The following GPX2 variants were observed in gnomAD, a reference collection of about 807,000 sequenced individuals.
The protein encoded by GPX2 is glutathione peroxidase 2.
In GPX2, 21 loss-of-function variants were observed where a neutral mutation model predicts 14.1. That is an observed-to-expected ratio of 1.48 (90% CI 1.05 to 2.14). GPX2 has a LOEUF of 2.14. Among genes scored for constraint, GPX2 ranks in the 30% most tolerant of loss-of-function variants. The pLI, the probability that GPX2 is intolerant of heterozygous loss-of-function variation, is 0.00. For synonymous variants in GPX2, 94 were observed against 95.2 expected (o/e 0.99, Z 0.07); for missense variants, 241 against 249.8 (o/e 0.96, Z 0.24).
In GPX2 at chr14:64,939,820, C is replaced by T. The variant is rs751947629; in HGVS notation, c.241G>A (p.Glu81Lys). 6.2e-7 allele frequency: 1 copy of T among 1,613,662 alleles called. No homozygotes were observed. The highest frequency in any genetic ancestry group is 1.3e-5 in the African/African-American group (1 of 74,892). ...FGHQENCQNEEILNSLKYVRP... is the reference protein window; with the variant it reads ...FGHQENCQNEKILNSLKYVRP... ...ACATACTTGAGACTGTTCAGGATCT[C>T]CTCATTCTGACAGTTCTCCTAGGGG... The change falls in exon 2 of 2, where the codon GAG becomes AAG. Residue 81 changes from glutamate to lysine, a missense_variant. Coordinates refer to ENST00000389614, the MANE Select transcript of GPX2 (RefSeq NM_002083.4). This position sits in a 1 kb window ranked among gnomAD's most constrained non-coding sequence, Gnocchi z 5.7.
chr14:64,942,458 T>G, intron 1 of GPX2, 47 bp downstream of exon 1: 1 of 1,484,244 alleles, frequency 6.7e-7, no homozygotes, highest in Non-Finnish European at 9.4e-7. Context: ...CCACCTGAGC[T>G]ACACCAACCC....
chr14:64,939,949 C>A lies in GPX2; in HGVS notation c.223-111G>T. On this transcript the variant is annotated intron_variant, in intron 1 of 1. Transcript: ENST00000389614. This position sits in a 1 kb window ranked among gnomAD's most constrained non-coding sequence, Gnocchi z 5.7. ...CTCCCTCCCCAGGGTCATTCTTTTTCACTGTGAAAGAGAGAGAGACAAGAC... is the reference window on the plus strand; with the variant it reads ...CTCCCTCCCCAGGGTCATTCTTTTTAACTGTGAAAGAGAGAGAGACAAGAC... 6.8e-7 allele frequency: 1 copy of A among 1,461,918 alleles called. No individual in the cohort carries two copies. Among genetic ancestry groups the A allele is most frequent in the Non-Finnish European group, 9.0e-7 (1 of 1,114,440 alleles). 90.6% of individuals were successfully genotyped at this position (1,461,918 alleles called of 1,614,324 possible).
In GPX2 at chr14:64,939,890, G is replaced by T. The variant is rs761414250; in HGVS notation, c.223-52C>A. 2.1e-5 allele frequency: 34 copies of T among 1,583,498 alleles called. No homozygotes were observed. Among genetic ancestry groups the T allele is most frequent in the Non-Finnish European group, 2.9e-5 (34 of 1,163,646 alleles). On this transcript the variant is annotated intron_variant, in intron 1 of 1. Transcript: ENST00000389614. The surrounding 1 kb of genome is among the most constrained non-coding windows in gnomAD (Gnocchi z 5.7). ...TGGACAGTGGGTGGGGGAAGAGAAAGATCCACAACATGAAACTCTTTCACC... is the reference window on the plus strand; with the variant it reads ...TGGACAGTGGGTGGGGGAAGAGAAATATCCACAACATGAAACTCTTTCACC...
In GPX2 at chr14:64,942,696, G is replaced by A. The variant is rs1401218134; in HGVS notation, c.31C>T (p.Leu11Phe). 3.1e-6 allele frequency: 5 copies of A among 1,614,146 alleles called. No homozygotes were observed. Among genetic ancestry groups the A allele is most frequent in the Non-Finnish European group, 4.2e-6 (5 of 1,180,006 alleles). Residue 11 changes from leucine (L) to phenylalanine (F), a missense_variant, in exon 1 of 2, where the codon CTC (leucine) becomes TTC (phenylalanine). Coordinates refer to ENST00000389614, the MANE Select transcript of GPX2 (RefSeq NM_002083.4). ...TCCCCATCCAGGCTGATGGCACTGA[G>A]GTCATAGAAGGACTTGGCAATGAAA... MAFIAKSFYD[L>F]SAISLDGEKV...
Position 64,939,599 on chromosome 14 carries a change from A to C in GPX2, c.462T>G (p.Phe154Leu). 1.9e-6 allele frequency: 3 copies of C among 1,614,134 alleles called. No homozygotes were observed. The highest frequency in any genetic ancestry group is 1.3e-5 in the African/African-American group (1 of 75,038). ...PVRRSDVAWN[F>L]EKFLIGPEGE... ...CCTCCGGCCCTATGAGGAACTTCTCAAAGTTCCAGGCCACATCTGAGCGGC... is the reference window on the plus strand; with the variant it reads ...CCTCCGGCCCTATGAGGAACTTCTCCAAGTTCCAGGCCACATCTGAGCGGC... The change falls in exon 2 of 2, where the codon TTT becomes TTG. Residue 154 changes from phenylalanine (F) to leucine (L), a missense_variant. Coordinates refer to ENST00000389614, the MANE Select transcript of GPX2 (RefSeq NM_002083.4). This position sits in a 1 kb window ranked among gnomAD's most constrained non-coding sequence, Gnocchi z 5.7.
chr14:64,942,461 A>T (rs368982066), intron 1 of GPX2, 44 bp downstream of exon 1: 8 of 1,512,456 alleles, frequency 5.3e-6, no homozygotes, highest in Non-Finnish European at 7.3e-6. Context: ...CCTGAGCTAC[A>T]CCAACCCAAC....
Position 64,939,931 on chromosome 14 carries a change from C to A in GPX2, c.223-93G>T. 6.7e-7 allele frequency: 1 copy of A among 1,494,902 alleles called. No individual in the cohort carries two copies. The highest frequency in any genetic ancestry group is 8.9e-7 in the Non-Finnish European group (1 of 1,125,734). The allele number at this position is 1,494,902 out of a possible 1,614,324, so 92.6% of individuals were successfully genotyped here. The stretch of plus-strand genomic sequence containing the variant: ...CTCTTTCACCCTCCTACACTCCCTC[C>A]CCAGGGTCATTCTTTTTCACTGTGA... On this transcript the variant is annotated intron_variant, in intron 1 of 1. Transcript: ENST00000389614. This position sits in a 1 kb window ranked among gnomAD's most constrained non-coding sequence, Gnocchi z 5.7.
In GPX2 at chr14:64,939,732, T is replaced by A; in HGVS notation, c.329A>T (p.Gln110Leu). 6.2e-7 allele frequency: 1 copy of A among 1,614,174 alleles called. No homozygotes were observed. The change falls in exon 2 of 2, where the codon CAG becomes CTG. Residue 110 changes from glutamine (Q) to leucine (L), a missense_variant. Transcript: ENST00000389614. This position sits in a 1 kb window ranked among gnomAD's most constrained non-coding sequence, Gnocchi z 5.7. ...GTAGGCGAAGACAGGATGCTCGTTC[T>A]GCCCATTCACCTCACATTTTTGGAC... ...TLVQKCEVNG[Q>L]NEHPVFAYLK...
chr14:64,940,580 A>G lies in GPX2; in HGVS notation c.223-742T>C, dbSNP rs72728207. ...ACAGCAGAGCAAGTTCAAGGCAACA[A>G]TGAATGTGTACTCTAAATGGAACTA... On this transcript the variant is annotated intron_variant, in intron 1 of 1. Coordinates refer to ENST00000389614, the MANE Select transcript of GPX2 (RefSeq NM_002083.4). This position sits in a 1 kb window ranked among gnomAD's most constrained non-coding sequence, Gnocchi z 4.5. Among the ~76,000 whole-genome samples, 563 of 152,358 alleles carry G rather than the reference A, an allele frequency of 3.7e-3. 1 individual carries two copies. The highest frequency in any genetic ancestry group is 6.1e-3 in the Non-Finnish European group (417 of 68,034).
In GPX2 at chr14:64,939,722, A is replaced by AT. The variant is rs766696908; in HGVS notation, c.338dup (p.His113GlnfsTer?). 6.2e-7 allele frequency: 1 copy of AT among 1,614,080 alleles called. No homozygotes were observed. The highest frequency in any genetic ancestry group is 2.2e-5 in the East Asian group (1 of 44,880). ...TGTCCTTCAGGTAGGCGAAGACAGGATGCTCGTTCTGCCCATTCACCTCAC... is the reference window on the plus strand; with the variant it reads ...TGTCCTTCAGGTAGGCGAAGACAGGATTGCTCGTTCTGCCCATTCACCTCAC... On this transcript the variant is annotated frameshift_variant, in exon 2 of 2. Coordinates refer to ENST00000389614, the MANE Select transcript of GPX2 (RefSeq NM_002083.4). LOFTEE classifies it high-confidence loss of function. This position sits in a 1 kb window ranked among gnomAD's most constrained non-coding sequence, Gnocchi z 5.7.
At chr14:64,941,535 G>A (rs1187764180) in intron 1 of GPX2, 2 of 1,287,212 alleles carry the variant, frequency 1.6e-6, no homozygotes, top group Non-Finnish European at 1.0e-6. Flanking sequence ...CTCTAGAAAA[G>A]GCCAGACAGA....
At chr14:64,941,472 T>A (rs1314644935) in intron 1 of GPX2, 1 of 1,288,734 alleles carries the variant, frequency 7.8e-7, no homozygotes, top group Non-Finnish European at 1.0e-6. Context: ...TGGAGGTACT[T>A]CTGGGGCTGG....
intron 1 of GPX2, chr14:64,941,394 C>T: frequency 7.8e-7 from 1 of 1,283,844 alleles, no homozygotes; most frequent in Non-Finnish European, 1.0e-6. Context: ...ATACAAATGG[C>T]TGGCTGGCTC....
chr14:64,940,159 C>T lies in GPX2; in HGVS notation c.223-321G>A, dbSNP rs1232938260. On this transcript the variant is annotated intron_variant, in intron 1 of 1. Transcript: ENST00000389614. The surrounding 1 kb of genome is among the most constrained non-coding windows in gnomAD (Gnocchi z 4.5). ...GGCTGCTCTTCAAGATTTAGCACTT[C>T]TGAGCTGTTGCTTTTGTCTCCAGTC... The T allele has an allele frequency of 1.5e-6, 2 of 1,345,226 alleles. No individual in the cohort carries two copies. The highest frequency in any genetic ancestry group is 2.0e-4 in the Middle Eastern group (1 of 5,002). 83.3% of individuals were successfully genotyped at this position (1,345,226 alleles called of 1,614,324 possible).
chr14:64,942,481 G>A, intron 1 of GPX2, 24 bp downstream of exon 1: 1 of 1,583,550 alleles, frequency 6.3e-7, no homozygotes, highest in Non-Finnish European at 8.7e-7. Flanking sequence ...CACTTTTGGT[G>A]CATTACAAGG....
chr14:64,939,943 C>T lies in GPX2; in HGVS notation c.223-105G>A, dbSNP rs1885536010. 1.4e-6 allele frequency: 2 copies of T among 1,476,590 alleles called. No individual in the cohort carries two copies. Among genetic ancestry groups the T allele is most frequent in the Admixed American group, 2.3e-5 (1 of 43,106 alleles). The allele number at this position is 1,476,590 out of a possible 1,614,324, so 91.5% of individuals were successfully genotyped here. ...CCTACACTCCCTCCCCAGGGTCATT[C>T]TTTTTCACTGTGAAAGAGAGAGAGA... is the stretch of plus-strand genomic sequence containing the variant. On this transcript the variant is annotated intron_variant, in intron 1 of 1. Coordinates refer to ENST00000389614, the MANE Select transcript of GPX2 (RefSeq NM_002083.4). This position sits in a 1 kb window ranked among gnomAD's most constrained non-coding sequence, Gnocchi z 5.7.
At chr14:64,942,243 A>G (rs892471880) in intron 1 of GPX2, among the ~76,000 whole-genome samples, 5 of 152,218 alleles carry the variant, frequency 3.3e-5, no homozygotes, top group Admixed American at 3.3e-4. Flanking sequence ...CACAGTGGAG[A>G]GAAACACAGA....
rs575119450 is a variant in GPX2 at position 64,941,691 on chromosome 14, G to A, written c.222+814C>T. The stretch of plus-strand genomic sequence containing the variant: ...TAAGGGGATTATAACGAGAGGGTTC[G>A]CTTGGGTTCATTCTCCCTGCTTGTA... On this transcript the variant is annotated intron_variant, in intron 1 of 1. Coordinates refer to ENST00000389614, the MANE Select transcript of GPX2 (RefSeq NM_002083.4). 5.3e-5 allele frequency among the ~76,000 whole-genome samples: 8 copies of A among 152,264 alleles called. No homozygotes were observed. The South Asian group carries it at 6.2e-4, about 12-fold the overall frequency.
chr14:64,941,385 T>A, intron 1 of GPX2: 1 of 1,282,760 alleles, frequency 7.8e-7, no homozygotes, highest in Non-Finnish European at 1.0e-6. Context: ...TATTTCTTGA[T>A]ACAAATGGCT....
Sources: allele counts gnomAD v4.1 joint callset (sites outside exome capture counted in the v4.1 genomes callset), GRCh38; gene constraint gnomAD v4.1.1; non-coding constraint Gnocchi (gnomAD v3.1); transcripts MANE v1.5; gene names NCBI Gene and HGNC (gene_info 2026-07-23, HGNC 2026-07-21).